Variants in SLC4A4 observed in about 807,000 individuals in gnomAD.
SLC4A4 encodes the protein electrogenic sodium bicarbonate cotransporter 1.
SLC4A4 carries 27 observed loss-of-function variants against 111.5 expected under a neutral mutation model. That is an observed-to-expected ratio of 0.24 (90% CI 0.18 to 0.33). The LOEUF (loss-of-function observed/expected upper bound fraction) is 0.33, where lower values mean the gene tolerates loss of function less well. Among genes scored for constraint, SLC4A4 ranks in the 10% least tolerant of loss-of-function variants. The probability of loss-of-function intolerance (pLI) is 1.00; values close to 1 mark genes in which losing one functional copy is unlikely to be tolerated. For synonymous variants in SLC4A4, 443 were observed against 463.4 expected (o/e 0.96, Z 0.57); for missense variants, 909 against 1,315.5 (o/e 0.69, Z 4.78).
At chr4:71,392,654 T>A (rs1719416146) in intron 6 of SLC4A4, among the ~76,000 whole-genome samples, 1 of 151,912 alleles carries the variant, frequency 6.6e-6, no homozygotes. Context: ...AAAGAAGGAA[T>A]TTCATTCTGT....
intron 3 of SLC4A4, among the ~76,000 whole-genome samples, chr4:71,299,298 C>G (rs1725036455): frequency 1.3e-5 from 2 of 152,160 alleles, no homozygotes; most frequent in Admixed American, 6.5e-5. Context: ...TTGTAGGAAC[C>G]ACTGTACACC....
intron 15 of SLC4A4, among the ~76,000 whole-genome samples, chr4:71,496,481 G>C (rs1355865714): frequency 6.6e-6 from 1 of 152,160 alleles, no homozygotes; most frequent in East Asian, 1.9e-4. Flanking sequence ...CTCTCACCTG[G>C]AGACGAAGAG....
chr4:71,202,435 G>A (rs539284157), intron 1 of SLC4A4, among the ~76,000 whole-genome samples: 196 of 152,206 alleles, frequency 1.3e-3, no homozygotes, highest in African/African-American at 4.7e-3. Flanking sequence ...CAACTATGTT[G>A]TATTGTTTAT....
At chr4:71,395,490 C>G (rs980045170) in intron 6 of SLC4A4, among the ~76,000 whole-genome samples, 4 of 152,120 alleles carry the variant, frequency 2.6e-5, no homozygotes, top group African/African-American at 9.7e-5. Context: ...TTCTCTTGCT[C>G]CTCATATAGT....
intron 2 of SLC4A4, among the ~76,000 whole-genome samples, chr4:71,137,501 A>T (rs1407058817): frequency 6.6e-6 from 1 of 152,198 alleles, no homozygotes; most frequent in African/African-American, 2.4e-5. Context: ...TGCATTCCTG[A>T]TCTCAAGATA....
intron 2 of SLC4A4, among the ~76,000 whole-genome samples, chr4:71,179,298 A>G (rs983159209): frequency 6.6e-6 from 1 of 152,198 alleles, no homozygotes; most frequent in Admixed American, 6.5e-5. Context: ...CTGGCACAAG[A>G]CACGGATGCC....
intron 3 of SLC4A4, among the ~76,000 whole-genome samples, chr4:71,281,515 A>G (rs1723515676): frequency 6.6e-6 from 1 of 152,178 alleles, no homozygotes. Context: ...GACCCTAGGC[A>G]GTCTCTGAAA....
At chr4:71,424,391 T>A (rs1308125044) in intron 7 of SLC4A4, among the ~76,000 whole-genome samples, 1 of 151,348 alleles carries the variant, frequency 6.6e-6, no homozygotes, top group African/African-American at 2.4e-5. Context: ...ACACTGTTGG[T>A]GGGACTGTAA....
chr4:71,523,538 G>T (rs77755757), intron 16 of SLC4A4, among the ~76,000 whole-genome samples: 1 of 152,062 alleles, frequency 6.6e-6, no homozygotes, highest in African/African-American at 2.4e-5. Flanking sequence ...AAAACATTTC[G>T]AGAAAGCTTT....
In SLC4A4 at chr4:71,453,474, G is replaced by A. The variant is rs768316475; in HGVS notation, c.1323-21G>A. On this transcript the variant is annotated intron_variant, in intron 11 of 25. Coordinates refer to ENST00000264485, the MANE Select transcript of SLC4A4 (RefSeq NM_001098484.3). ...GTAATTTACTTTACATTTAGTGGAT[G>A]TTTGCATTCTCTCTGCCCAGGTTCT... 3.1e-6 allele frequency: 5 copies of A among 1,611,376 alleles called. No homozygotes were observed. In the Admixed American group the frequency reaches 6.7e-5, roughly 21 times the overall value.
At chr4:71,405,603 T>G (rs1720768607) in intron 7 of SLC4A4, among the ~76,000 whole-genome samples, 1 of 152,200 alleles carries the variant, frequency 6.6e-6, no homozygotes, top group South Asian at 2.1e-4. Context: ...TAAGTGGAAT[T>G]GCTGGATTAC....
At chr4:71,075,758 A>G (rs1475224930) in intron 1 of SLC4A4, among the ~76,000 whole-genome samples, 2 of 152,010 alleles carry the variant, frequency 1.3e-5, no homozygotes, top group African/African-American at 4.8e-5. Context: ...TCACAAGGTC[A>G]GGAGTTCAAC....
At chr4:71,256,048 G>A (rs1021242768) in intron 3 of SLC4A4, among the ~76,000 whole-genome samples, 12 of 152,156 alleles carry the variant, frequency 7.9e-5, no homozygotes, top group Admixed American at 2.0e-4. Context: ...GTGTTTAGAT[G>A]TATGTTTATG....
chr4:71,480,348 C>G (rs144733717), intron 14 of SLC4A4, among the ~76,000 whole-genome samples: 2 of 150,058 alleles, frequency 1.3e-5, no homozygotes, highest in African/African-American at 4.9e-5. Context: ...GCTGAAAATA[C>G]TTGGGAAAAC....
At chr4:71,487,079 A>C in intron 15 of SLC4A4, 61 bp downstream of exon 15, 1 of 952,038 alleles carries the variant, frequency 1.1e-6, no homozygotes, top group Non-Finnish European at 1.7e-6. Context: ...ACTTGTTTAT[A>C]ATACTTATAA....
intron 3 of SLC4A4, among the ~76,000 whole-genome samples, chr4:71,309,313 C>A (rs577215565): frequency 1.3e-5 from 2 of 152,134 alleles, no homozygotes; most frequent in Non-Finnish European, 2.9e-5. Flanking sequence ...TCCTGCCTGC[C>A]GGCTCTGAAG....
chr4:71,088,003 G>C (rs1323851169), intron 1 of SLC4A4, among the ~76,000 whole-genome samples: 1 of 151,872 alleles, frequency 6.6e-6, no homozygotes, highest in Non-Finnish European at 1.5e-5. Flanking sequence ...TTGACAGTGG[G>C]GTGTTAAAAT....
intron 7 of SLC4A4, among the ~76,000 whole-genome samples, chr4:71,432,291 T>C (rs1723705632): frequency 6.6e-6 from 1 of 152,148 alleles, no homozygotes; most frequent in South Asian, 2.1e-4. Flanking sequence ...GAAAGCTTTG[T>C]GTTCTGTGTT....
intron 6 of SLC4A4, among the ~76,000 whole-genome samples, chr4:71,361,325 C>G (rs1326324227): frequency 2.0e-5 from 3 of 152,226 alleles, no homozygotes; most frequent in Admixed American, 2.0e-4. Context: ...TTTTAGCATC[C>G]TGGTATGGCT....
Sources: gnomAD v4.1 joint callset for allele counts (sites outside exome capture counted in the v4.1 genomes callset) on GRCh38, gnomAD v4.1.1 for gene constraint, MANE v1.5 for transcripts, NCBI Gene and HGNC (gene_info 2026-07-23, HGNC 2026-07-21) for gene names.